The following LRP1B variants were observed in gnomAD, a reference collection of about 807,000 sequenced individuals.
LRP1B encodes low-density lipoprotein receptor-related protein 1B.
Under a neutral mutation model 556.6 loss-of-function variants are expected in LRP1B, and 217 were observed. That is an observed-to-expected ratio of 0.39 (90% CI 0.35 to 0.44). LRP1B has a LOEUF of 0.44. Among genes scored for constraint, LRP1B ranks in the 20% least tolerant of loss-of-function variants. The probability of loss-of-function intolerance (pLI) is 1.00; values close to 1 mark genes in which losing one functional copy is unlikely to be tolerated. For synonymous variants in LRP1B, 2,047 were observed against 1,865.8 expected, an observed-to-expected ratio of 1.10 and a Z score of -2.50; for missense variants, 5,053 against 5,620.8, an observed-to-expected ratio of 0.90 and a Z score of 3.23.
At chr2:141,081,884 C>T (rs903173968) in intron 7 of LRP1B, among the ~76,000 whole-genome samples, 1 of 152,114 alleles carries the variant, frequency 6.6e-6, no homozygotes, top group Non-Finnish European at 1.5e-5. Context: ...CCAGACAATA[C>T]CTATAAACTG....
intron 3 of LRP1B, among the ~76,000 whole-genome samples, chr2:141,382,856 G>A (rs1689690392): frequency 6.6e-6 from 1 of 152,086 alleles, no homozygotes; most frequent in African/African-American, 2.4e-5. Flanking sequence ...AGCAAAGAAA[G>A]CAAAAGTAAA....
intron 34 of LRP1B, 88 bp downstream of exon 34, chr2:140,770,793 A>T (rs2104938331): frequency 8.9e-7 from 1 of 1,120,150 alleles, no homozygotes; most frequent in Non-Finnish European, 1.2e-6. Context: ...TCTAATGTTT[A>T]ACTGACTTTG....
At position 140,250,976 on chromosome 2, in the gene LRP1B, C is replaced by CTTAT. The variant is rs553703704; in HGVS notation, c.13248-3818_13248-3815dup. Among the ~76,000 whole-genome samples, 7 of 151,738 alleles carry CTTAT rather than the reference C, an allele frequency of 4.6e-5. No homozygotes were observed. The South Asian group carries it at 1.5e-3, about 32-fold the overall frequency. ...TTCCCTACACAATACCTGGAGTATGCTTATTTATTTATTTATTTTTTGTAA... is the reference window on the plus strand; with the variant it reads ...TTCCCTACACAATACCTGGAGTATGCTTATTTATTTATTTATTTATTTTTTGTAA... On this transcript the variant is annotated intron_variant, in intron 86 of 90. Coordinates refer to ENST00000389484, the MANE Select transcript of LRP1B (RefSeq NM_018557.3).
chr2:142,094,467 C>T (rs1706284825), intron 1 of LRP1B, among the ~76,000 whole-genome samples: 1 of 151,954 alleles, frequency 6.6e-6, no homozygotes, highest in Non-Finnish European at 1.5e-5. Flanking sequence ...TGATGTATAG[C>T]TATAGCGAAG....
intron 7 of LRP1B, among the ~76,000 whole-genome samples, chr2:141,114,818 G>T (rs1700845455): frequency 6.6e-6 from 1 of 151,936 alleles, no homozygotes; most frequent in African/African-American, 2.4e-5. Context: ...AATTAAGTGT[G>T]TGGGTGCGTC....
At chr2:141,064,207 C>G (rs1202037356) in intron 7 of LRP1B, among the ~76,000 whole-genome samples, 2 of 151,784 alleles carry the variant, frequency 1.3e-5, no homozygotes, top group African/African-American at 4.8e-5. Flanking sequence ...GAGTGGCTGA[C>G]TGGGTCAATC....
At chr2:141,201,791 T>C (rs1682034764) in intron 6 of LRP1B, among the ~76,000 whole-genome samples, 1 of 152,148 alleles carries the variant, frequency 6.6e-6, no homozygotes, top group Non-Finnish European at 1.5e-5. Flanking sequence ...GATTCTGGAC[T>C]GAATACTTTT....
intron 1 of LRP1B, among the ~76,000 whole-genome samples, chr2:142,064,795 GATAAA>G (rs1351727812): frequency 1.3e-5 from 2 of 151,412 alleles, no homozygotes; most frequent in Admixed American, 6.6e-5. Flanking sequence ...GACTTCAGAT[GATAAA>G]ATAAAAAAGA....
chr2:140,766,859 T>TATATATATATATATTATATATATATA (rs1689137196), intron 35 of LRP1B, among the ~76,000 whole-genome samples: 114 of 50,164 alleles, frequency 2.3e-3, no homozygotes, highest in African/African-American at 4.8e-3. Context: ...TATATATATA[T>TATATATATATATATTATATATATATA]ATATATAATA....
intron 2 of LRP1B, among the ~76,000 whole-genome samples, chr2:141,624,032 T>TAAAAAAA (rs761446527): frequency 4.2e-4 from 6 of 14,438 alleles, no homozygotes; most frequent in East Asian, 3.3e-3. Flanking sequence ...AAAAAAAAAT[T>TAAAAAAA]AAACAAAAAA....
At chr2:141,325,368 G>A (rs1687394188) in intron 3 of LRP1B, among the ~76,000 whole-genome samples, 1 of 152,048 alleles carries the variant, frequency 6.6e-6, no homozygotes. Flanking sequence ...TGTTTCAAGA[G>A]TTAAATATAT....
chr2:141,718,933 C>A (rs1248086690), intron 2 of LRP1B, among the ~76,000 whole-genome samples: 1 of 151,860 alleles, frequency 6.6e-6, no homozygotes, highest in Non-Finnish European at 1.5e-5. Flanking sequence ...GCAAATATTT[C>A]TATTATAATG....
chr2:142,040,089 G>A lies in LRP1B; in HGVS notation c.82+90559C>T, dbSNP rs16847982. ...CCCAACATTTCCTCTCTTCCCCAGA[G>A]TACACTAGTACCATAAAGAATGAAA... On this transcript the variant is annotated intron_variant, in intron 1 of 90. Coordinates refer to ENST00000389484, the MANE Select transcript of LRP1B (RefSeq NM_018557.3). Among the ~76,000 whole-genome samples the A allele has an allele frequency of 7.6e-3, 1,145 of 151,512 alleles. 11 individuals carry two copies. Among genetic ancestry groups the A allele is most frequent in the African/African-American group, 0.026 (1,090 of 41,444 alleles).
intron 7 of LRP1B, among the ~76,000 whole-genome samples, chr2:141,168,680 GA>G (rs1182622535): frequency 6.6e-6 from 1 of 152,030 alleles, no homozygotes; most frequent in Admixed American, 6.6e-5. Flanking sequence ...CTCCTGTCCA[GA>G]AATCTACAAT....
At chr2:140,861,360 T>C (rs1454403033) in intron 27 of LRP1B, among the ~76,000 whole-genome samples, 2 of 152,182 alleles carry the variant, frequency 1.3e-5, no homozygotes, top group Non-Finnish European at 2.9e-5. Context: ...TGAGCCAAGA[T>C]CGTGCCACTG....
rs12996246 is a variant in LRP1B at position 141,017,416 on chromosome 2, G to T, written c.1971-1501C>A. 2.4e-4 allele frequency among the ~76,000 whole-genome samples: 24 copies of T among 100,130 alleles called. 1 individual carries two copies. Among genetic ancestry groups the T allele is most frequent in the East Asian group, 8.1e-4 (3 of 3,704 alleles). 65.7% of individuals were successfully genotyped at this position (100,130 alleles called of 152,430 possible). A position where few individuals can be genotyped will look rare whatever the true frequency, so the allele number is the denominator to read the frequency against. ...CTTCTCCTTTTGATCATGGCAACAT[G>T]TTTTTTTTTTCTGTGACTCAAATCA... On this transcript the variant is annotated intron_variant, in intron 12 of 90. Coordinates refer to ENST00000389484, the MANE Select transcript of LRP1B (RefSeq NM_018557.3).
chr2:141,209,556 T>C (rs1042644540), intron 6 of LRP1B, among the ~76,000 whole-genome samples: 1 of 152,210 alleles, frequency 6.6e-6, no homozygotes, highest in African/African-American at 2.4e-5. Flanking sequence ...ATGGAAGGAA[T>C]TCTCACAATT....
chr2:140,880,714 A>C (rs1391860158), intron 25 of LRP1B, among the ~76,000 whole-genome samples: 1 of 152,126 alleles, frequency 6.6e-6, no homozygotes, highest in East Asian at 1.9e-4. Flanking sequence ...AGCTGTGTTA[A>C]GGGAGAAAAG....
At chr2:140,615,205 G>A (rs1683214873) in intron 41 of LRP1B, among the ~76,000 whole-genome samples, 1 of 151,982 alleles carries the variant, frequency 6.6e-6, no homozygotes, top group Admixed American at 6.6e-5. Context: ...GTGCCACCTG[G>A]ACTGGTAACC....
Sources: gnomAD v4.1 joint callset for allele counts (sites outside exome capture counted in the v4.1 genomes callset) on GRCh38, gnomAD v4.1.1 for gene constraint, MANE v1.5 for transcripts, NCBI Gene and HGNC (gene_info 2026-07-23, HGNC 2026-07-21) for gene names.